The following LINGO2 variants were observed in gnomAD, a reference collection of about 807,000 sequenced individuals.
LINGO2 encodes the protein leucine-rich repeat and immunoglobulin-like domain-containing nogo receptor-interacting protein 2.
Under a neutral mutation model 30.6 loss-of-function variants are expected in LINGO2, and 14 were observed. The observed-to-expected ratio is 0.46, with a 90% CI of 0.30 to 0.72. LINGO2 has a LOEUF of 0.72. Among genes scored for constraint, LINGO2 ranks in the 30% least tolerant of loss-of-function variants. The probability of loss-of-function intolerance (pLI) is 0.07; values close to 1 mark genes in which losing one functional copy is unlikely to be tolerated. For missense variants in LINGO2, 729 were observed against 751.7 expected (o/e 0.97, Z 0.35); for synonymous variants, 317 against 288.5 (o/e 1.10, Z -1.00).
At chr9:28,362,201 A>C (rs924082438) in intron 3 of LINGO2, among the ~76,000 whole-genome samples, 5 of 131,340 alleles carry the variant, frequency 3.8e-5, no homozygotes, top group African/African-American at 1.1e-4. Context: ...TTAATGGTGT[A>C]AATTGTGTGT....
the LINGO2 span, among the ~76,000 whole-genome samples, chr9:28,805,570 C>A: frequency 1.1e-4 from 17 of 152,294 alleles, no homozygotes; most frequent in Admixed American, 1.1e-3. Flanking sequence ...AAATTCCAAT[C>A]CATCTTGTGC....
the LINGO2 span, among the ~76,000 whole-genome samples, chr9:28,933,404 A>G: frequency 2.6e-5 from 4 of 152,218 alleles, no homozygotes; most frequent in Admixed American, 1.3e-4. Flanking sequence ...TCGCATAAGA[A>G]CTCTTTACTA....
rs1009470963 is a variant in LINGO2 at position 28,373,010 on chromosome 9, A to T, written c.-278-142T>A. On this transcript the variant is annotated intron_variant, in intron 2 of 5. Coordinates refer to ENST00000379992, the Ensembl canonical transcript of LINGO2. ...TGACAGGAAAGAAGCATTTAACTAC[A>T]GAGAGAAAAAAAACTGATAAAACTC... is the stretch of plus-strand genomic sequence containing the variant. 5 of 18,716 alleles carry T rather than the reference A, an allele frequency of 2.7e-4. No homozygotes were observed. The East Asian group carries it at 5.3e-3, about 20-fold the overall frequency. 1.2% of individuals were successfully genotyped at this position (18,716 alleles called of 1,614,324 possible).
chr9:28,582,977 T>C (rs1056893402), intron 1 of LINGO2, among the ~76,000 whole-genome samples: 1 of 152,034 alleles, frequency 6.6e-6, no homozygotes, highest in African/African-American at 2.4e-5. Flanking sequence ...TATACACAAA[T>C]TATACACAGT....
intron 4 of LINGO2, among the ~76,000 whole-genome samples, chr9:28,232,566 A>G (rs1821396510): frequency 6.6e-6 from 1 of 152,132 alleles, no homozygotes; most frequent in South Asian, 2.1e-4. Flanking sequence ...AAGTCAAGCT[A>G]ATTAATGTAA....
At chr9:28,219,786 CACAG>C (rs1458244543) in intron 4 of LINGO2, among the ~76,000 whole-genome samples, 1 of 152,112 alleles carries the variant, frequency 6.6e-6, no homozygotes, top group African/African-American at 2.4e-5. Flanking sequence ...AAGAGATTTT[CACAG>C]ACAAATTATA....
At chr9:28,529,021 ATTAG>A (rs1021831181) in intron 1 of LINGO2, among the ~76,000 whole-genome samples, 19 of 152,278 alleles carry the variant, frequency 1.2e-4, no homozygotes, top group African/African-American at 4.6e-4. Context: ...TAACCTGAGT[ATTAG>A]TTAGAATAAT....
the LINGO2 span, among the ~76,000 whole-genome samples, chr9:29,010,214 C>G: frequency 1.1e-3 from 169 of 152,226 alleles, no homozygotes; most frequent in Middle Eastern, 0.014. Flanking sequence ...TTCTGCACAG[C>G]AAAAGAAACT....
intron 4 of LINGO2, among the ~76,000 whole-genome samples, chr9:28,154,665 G>T (rs991979441): frequency 1.2e-4 from 19 of 152,116 alleles, no homozygotes; most frequent in African/African-American, 4.3e-4. Flanking sequence ...TATAATCAAA[G>T]GTTATGAATT....
At chr9:28,391,611 G>A (rs933895074) in intron 2 of LINGO2, among the ~76,000 whole-genome samples, 1 of 127,748 alleles carries the variant, frequency 7.8e-6, no homozygotes, top group Admixed American at 9.0e-5. Flanking sequence ...TTGCGTGTGT[G>A]TGTGTGTGTG....
intron 4 of LINGO2, among the ~76,000 whole-genome samples, chr9:28,016,686 A>T (rs1822857823): frequency 6.7e-6 from 1 of 149,692 alleles, no homozygotes. Flanking sequence ...AACCAGTAAA[A>T]AAAAAAAAAA....
the LINGO2 span, among the ~76,000 whole-genome samples, chr9:29,212,202 G>A: frequency 1.3e-5 from 2 of 151,980 alleles, no homozygotes; most frequent in African/African-American, 4.8e-5. Context: ...CCCGCGGCGC[G>A]GTGCGGAGCT....
chr9:28,614,175 T>C (rs1826038680), intron 1 of LINGO2, among the ~76,000 whole-genome samples: 1 of 152,140 alleles, frequency 6.6e-6, no homozygotes, highest in Non-Finnish European at 1.5e-5. Context: ...TACTATATTC[T>C]TTAAAAAGTA....
At chr9:28,438,319 C>T (rs73644042) in intron 2 of LINGO2, among the ~76,000 whole-genome samples, 4,511 of 152,092 alleles carry the variant, frequency 0.03, 206 homozygotes, top group African/African-American at 0.099. Flanking sequence ...TAAAAAGATC[C>T]GCTATCTAAT....
intron 1 of LINGO2, among the ~76,000 whole-genome samples, 161 bp downstream of exon 3, chr9:28,670,039 C>T (rs1430581649): frequency 2.0e-5 from 3 of 151,764 alleles, no homozygotes; most frequent in Admixed American, 2.0e-4. Context: ...CACTTTGGGG[C>T]TAACAAATTA....
chr9:28,648,124 A>C (rs902217824), intron 1 of LINGO2, among the ~76,000 whole-genome samples: 11 of 152,152 alleles, frequency 7.2e-5, no homozygotes, highest in Admixed American at 6.6e-4. Flanking sequence ...GTAGAATGAC[A>C]GTAACTTGTA....
chr9:28,466,443 G>A (rs904054936), intron 2 of LINGO2, among the ~76,000 whole-genome samples: 1 of 152,108 alleles, frequency 6.6e-6, no homozygotes, highest in African/African-American at 2.4e-5. Context: ...GAGAGTAGAT[G>A]ATGAGTTTGG....
chr9:28,548,585 T>C (rs1414786642), intron 1 of LINGO2, among the ~76,000 whole-genome samples: 1 of 151,004 alleles, frequency 6.6e-6, no homozygotes, highest in Non-Finnish European at 1.5e-5. Context: ...GCACTTGTAG[T>C]CTCAGCTACT....
chr9:28,677,824 A>C, the LINGO2 span, among the ~76,000 whole-genome samples: 1 of 152,118 alleles, frequency 6.6e-6, no homozygotes, highest in Non-Finnish European at 1.5e-5. Context: ...TAGTAATTCT[A>C]ATGGTAGGAA....
Sources: allele counts gnomAD v4.1 joint callset (sites outside exome capture counted in the v4.1 genomes callset), GRCh38; gene constraint gnomAD v4.1.1; transcripts MANE v1.5; gene names NCBI Gene and HGNC (gene_info 2026-07-23, HGNC 2026-07-21).